Variants in NAALADL2 observed in about 807,000 individuals in gnomAD.
The protein encoded by NAALADL2 is inactive N-acetylated-alpha-linked acidic dipeptidase-like protein 2.
NAALADL2 carries 76 observed loss-of-function variants against 87.2 expected under a neutral mutation model. The ratio of observed to expected loss-of-function variants is 0.87; its 90% CI spans 0.72 to 1.05. The LOEUF (loss-of-function observed/expected upper bound fraction) is 1.05, where lower values mean the gene tolerates loss of function less well. Ranked by LOEUF, NAALADL2 falls within the 50% of genes least tolerant of loss-of-function variation. The pLI is 0.00. For missense variants in NAALADL2, 1,089 were observed against 945.8 expected (o/e 1.15, Z -1.99); for synonymous variants, 354 against 331.0 (o/e 1.07, Z -0.75).
intron 10 of NAALADL2, among the ~76,000 whole-genome samples, chr3:175,585,270 A>G (rs1046042901): frequency 6.6e-6 from 1 of 152,152 alleles, no homozygotes; most frequent in Non-Finnish European, 1.5e-5. Context: ...ACTTTTCAGT[A>G]TCATTGTACT....
At chr3:175,707,760 A>G (rs1365889692) in intron 11 of NAALADL2, among the ~76,000 whole-genome samples, 1 of 152,106 alleles carries the variant, frequency 6.6e-6, no homozygotes, top group Non-Finnish European at 1.5e-5. Flanking sequence ...ACTAAAGTTC[A>G]GAAAATATAC....
At chr3:175,494,401 G>A (rs1728525204) in intron 9 of NAALADL2, among the ~76,000 whole-genome samples, 1 of 152,006 alleles carries the variant, frequency 6.6e-6, no homozygotes. Flanking sequence ...AACACTATGG[G>A]AATCTTTAAA....
intron 3 of NAALADL2, among the ~76,000 whole-genome samples, chr3:174,826,645 A>G (rs1306931533): frequency 6.6e-6 from 1 of 152,182 alleles, no homozygotes; most frequent in East Asian, 1.9e-4. Context: ...TTTTTTCAAT[A>G]TCAGTTTTCT....
At chr3:175,022,656 C>T (rs192432842) in intron 1 of NAALADL2, among the ~76,000 whole-genome samples, 50 of 152,150 alleles carry the variant, frequency 3.3e-4, no homozygotes, top group Non-Finnish European at 5.7e-4. Context: ...ATCCAGTTAC[C>T]TTTCATTCTA....
At chr3:175,783,327 C>T (rs1003860230) in intron 13 of NAALADL2, among the ~76,000 whole-genome samples, 8 of 151,760 alleles carry the variant, frequency 5.3e-5, no homozygotes, top group Non-Finnish European at 2.9e-5. Flanking sequence ...ACTGATTCTT[C>T]CTACCCATGA....
chr3:175,428,603 T>C, intron 5 of NAALADL2, among the ~76,000 whole-genome samples: 1 of 152,112 alleles, frequency 6.6e-6, no homozygotes, highest in Non-Finnish European at 1.5e-5. Context: ...AATTCCTGCA[T>C]CTTTTCAATC....
chr3:174,541,242 G>C (rs1023919959), intron 1 of NAALADL2, among the ~76,000 whole-genome samples: 1 of 152,070 alleles, frequency 6.6e-6, no homozygotes, highest in African/African-American at 2.4e-5. Context: ...AATTTTAATT[G>C]GGAATGAAGT....
intron 2 of NAALADL2, among the ~76,000 whole-genome samples, chr3:174,715,321 G>T: frequency 6.6e-6 from 1 of 152,112 alleles, no homozygotes; most frequent in East Asian, 1.9e-4. Context: ...TTTAGAAATT[G>T]TATGGGTATA....
At chr3:175,686,164 A>G (rs1582891459) in intron 11 of NAALADL2, among the ~76,000 whole-genome samples, 1 of 152,328 alleles carries the variant, frequency 6.6e-6, no homozygotes, top group Non-Finnish European at 1.5e-5. Context: ...GTTATTCTGT[A>G]ATAAAATAAG....
At chr3:175,701,614 T>TA (rs1478336668) in intron 11 of NAALADL2, among the ~76,000 whole-genome samples, 1 of 152,068 alleles carries the variant, frequency 6.6e-6, no homozygotes, top group Non-Finnish European at 1.5e-5. Context: ...TTTACCATGT[T>TA]AAACGTATCA....
intron 9 of NAALADL2, among the ~76,000 whole-genome samples, chr3:175,573,303 C>G (rs1349037857): frequency 2.6e-5 from 4 of 152,138 alleles, no homozygotes. Context: ...ATACATGTTA[C>G]TTCATTAAAG....
At chr3:175,152,411 C>T (rs1731680769) in intron 2 of NAALADL2, among the ~76,000 whole-genome samples, 2 of 151,948 alleles carry the variant, frequency 1.3e-5, no homozygotes, top group African/African-American at 4.8e-5. Flanking sequence ...TGCTATGGTC[C>T]ATGAAAAATT....
At chr3:175,394,656 G>A (rs1288536866) in intron 5 of NAALADL2, among the ~76,000 whole-genome samples, 1 of 152,144 alleles carries the variant, frequency 6.6e-6, no homozygotes, top group Non-Finnish European at 1.5e-5. Flanking sequence ...GACATAGATT[G>A]TACTACAGTA....
rs146157885 is a variant in NAALADL2, at chr3:175,037,988, C to A, written c.44-58802C>A. 2.6e-3 allele frequency among the ~76,000 whole-genome samples: 399 copies of A among 152,208 alleles called. 1 individual carries two copies. Among genetic ancestry groups the A allele is most frequent in the African/African-American group, 8.9e-3 (368 of 41,542 alleles). ...CCGAAGTAAAGACTTTCTTGGCCTC[C>A]CTCCTAATTGTTACCTAGTGATTAT... is the stretch of plus-strand genomic sequence containing the variant. On this transcript the variant is annotated intron_variant, in intron 1 of 13. Coordinates refer to ENST00000454872, the MANE Select transcript of NAALADL2 (RefSeq NM_207015.3).
At chr3:174,859,016 T>G (rs970688805), upstream of NAALADL2, among the ~76,000 whole-genome samples, 2 of 152,096 alleles carry the variant, frequency 1.3e-5, no homozygotes, top group African/African-American at 2.4e-5. Context: ...GTAGGAAAAG[T>G]AGATTAGAAA....
chr3:174,999,413 C>T (rs1371628276), intron 1 of NAALADL2, among the ~76,000 whole-genome samples: 4 of 151,966 alleles, frequency 2.6e-5, no homozygotes, highest in South Asian at 2.1e-4. Flanking sequence ...TCTTAAGAAA[C>T]CTTGGCCTTG....
rs74498846 is a variant in NAALADL2 at position 174,481,250 on chromosome 3, A to G, written c.-184+40218A>G. On this transcript the variant is annotated intron_variant, in intron 1 of 3. Transcript: ENST00000434257. Reference sequence around the variant, plus strand: ...ACTATAATTCTAACTGCTAGAGATAATTGGATGTTAAGATTCTTGGATAGG... The same window carrying G: ...ACTATAATTCTAACTGCTAGAGATAGTTGGATGTTAAGATTCTTGGATAGG... Among the ~76,000 whole-genome samples, 263 of 152,142 alleles carry G rather than the reference A, an allele frequency of 1.7e-3. 1 individual carries two copies. The highest frequency in any genetic ancestry group is 6.2e-3 in the African/African-American group (257 of 41,542).
At chr3:175,013,997 A>T (rs964983037) in intron 1 of NAALADL2, among the ~76,000 whole-genome samples, 1 of 152,146 alleles carries the variant, frequency 6.6e-6, no homozygotes, top group African/African-American at 2.4e-5. Context: ...TGGATCAGAA[A>T]CTAACATCCA....
intron 5 of NAALADL2, among the ~76,000 whole-genome samples, chr3:175,420,615 A>G (rs1560522233): frequency 6.6e-6 from 1 of 152,040 alleles, no homozygotes; most frequent in African/African-American, 2.4e-5. Flanking sequence ...GCCTTTCTTG[A>G]AAAGATAATT....
Sources: gnomAD v4.1 joint callset for allele counts (sites outside exome capture counted in the v4.1 genomes callset) on GRCh38, gnomAD v4.1.1 for gene constraint, MANE v1.5 for transcripts, NCBI Gene and HGNC (gene_info 2026-07-23, HGNC 2026-07-21) for gene names.